Variants in COP1 observed in about 807,000 individuals in gnomAD.
COP1 encodes COP1 E3 ubiquitin ligase.
COP1 carries 24 observed loss-of-function variants against 101.3 expected under a neutral mutation model. The observed-to-expected ratio is 0.24, with a 90% confidence interval of 0.17 to 0.33. The LOEUF is 0.33. Among genes scored for constraint, COP1 ranks in the 10% least tolerant of loss-of-function variants. The pLI is 1.00. For synonymous variants in COP1, 347 were observed against 341.9 expected (o/e 1.01, Z -0.17); for missense variants, 663 against 906.2 (o/e 0.73, Z 3.45).
chr1:176,141,056 C>G (rs539344774), intron 6 of COP1, among the ~76,000 whole-genome samples: 1 of 152,310 alleles, frequency 6.6e-6, no homozygotes, highest in Non-Finnish European at 1.5e-5. Flanking sequence ...TGGTACTCAA[C>G]TGACTTTCAT....
intron 5 of COP1, among the ~76,000 whole-genome samples, chr1:176,159,931 C>G (rs1383834054): frequency 2.6e-5 from 4 of 152,100 alleles, no homozygotes. Context: ...TTTATTAAAA[C>G]TAGGAAGGAG....
intron 3 of COP1, among the ~76,000 whole-genome samples, chr1:176,168,450 A>G: frequency 7.2e-6 from 1 of 139,498 alleles, no homozygotes; most frequent in Non-Finnish European, 1.5e-5. Flanking sequence ...GAAAGGGAAG[A>G]AGGAAGCGAG....
At chr1:176,166,254 G>A (rs181508483) in intron 3 of COP1, among the ~76,000 whole-genome samples, 40 of 152,252 alleles carry the variant, frequency 2.6e-4, no homozygotes, top group Admixed American at 2.5e-3. Context: ...AGCCTTCCCA[G>A]TAGCTAGGAC....
At chr1:176,197,206 C>A (rs1260708287) in intron 1 of COP1, among the ~76,000 whole-genome samples, 1 of 152,076 alleles carries the variant, frequency 6.6e-6, no homozygotes, top group African/African-American at 2.4e-5. Context: ...GACACAACAA[C>A]AAGTGGCCCA....
At chr1:176,166,625 ATT>A (rs1160595138) in intron 3 of COP1, among the ~76,000 whole-genome samples, 2 of 152,016 alleles carry the variant, frequency 1.3e-5, no homozygotes, top group East Asian at 3.9e-4. Flanking sequence ...AAAAATGGTT[ATT>A]TTTTTCTTCT....
chr1:176,143,654 G>A (rs1407761767), intron 6 of COP1, among the ~76,000 whole-genome samples: 1 of 151,962 alleles, frequency 6.6e-6, no homozygotes, highest in Non-Finnish European at 1.5e-5. Context: ...GCCAAGTTTG[G>A]TTTATATAAG....
chr1:176,027,167 A>T (rs944525397), intron 15 of COP1, among the ~76,000 whole-genome samples: 2 of 152,212 alleles, frequency 1.3e-5, no homozygotes, highest in African/African-American at 4.8e-5. Flanking sequence ...TGCTTTGTGC[A>T]TAGTAGGGAC....
intron 14 of COP1, among the ~76,000 whole-genome samples, chr1:176,028,473 A>G (rs1231830366): frequency 1.3e-5 from 2 of 150,764 alleles, no homozygotes; most frequent in Non-Finnish European, 3.0e-5. Flanking sequence ...GCTGAGGTGG[A>G]ATAATCACTT....
intron 11 of COP1, among the ~76,000 whole-genome samples, chr1:176,059,144 C>T (rs1674400043): frequency 6.6e-6 from 1 of 152,230 alleles, no homozygotes; most frequent in South Asian, 2.1e-4. Flanking sequence ...CAGAGCCCTG[C>T]TTCCATCCTA....
intron 1 of COP1, among the ~76,000 whole-genome samples, chr1:176,190,062 C>T (rs1698951327): frequency 6.6e-6 from 1 of 151,992 alleles, no homozygotes; most frequent in African/African-American, 2.4e-5. Flanking sequence ...GACTTTACAA[C>T]TCCAACCACA....
intron 9 of COP1, among the ~76,000 whole-genome samples, chr1:176,112,697 C>A (rs1005140355): frequency 1.3e-5 from 2 of 152,126 alleles, no homozygotes; most frequent in African/African-American, 4.8e-5. Context: ...TAAGCAAGTT[C>A]TCTCCATTCC....
rs149803208 is a variant in COP1 at position 176,204,185 on chromosome 1, A to T, written c.407+2387T>A. 2.6e-3 allele frequency among the ~76,000 whole-genome samples: 400 copies of T among 152,336 alleles called. 3 individuals carry two copies. Among genetic ancestry groups the T allele is most frequent in the African/African-American group, 9.2e-3 (382 of 41,576 alleles). ...TTCTCATTTTGTCCTTACCTGTCCAACGACAAACAAAATTACTTCTCTGTG... is the reference window on the plus strand; with the variant it reads ...TTCTCATTTTGTCCTTACCTGTCCATCGACAAACAAAATTACTTCTCTGTG... On this transcript the variant is annotated intron_variant, in intron 1 of 19. Coordinates refer to ENST00000367669, the MANE Select transcript of COP1 (RefSeq NM_022457.7).
intron 11 of COP1, among the ~76,000 whole-genome samples, chr1:176,056,947 C>T (rs1361185416): frequency 6.6e-6 from 1 of 152,008 alleles, no homozygotes; most frequent in Non-Finnish European, 1.5e-5. Flanking sequence ...TTATTTTTGC[C>T]CTTACTCTTC....
chr1:175,981,289 G>A (rs1241822178), intron 18 of COP1, among the ~76,000 whole-genome samples: 2 of 152,044 alleles, frequency 1.3e-5, no homozygotes, highest in African/African-American at 4.8e-5. Flanking sequence ...ACACTATCTG[G>A]TTTCACTGTC....
At chr1:175,978,512 T>C (rs1177114525) in intron 18 of COP1, among the ~76,000 whole-genome samples, 3 of 152,198 alleles carry the variant, frequency 2.0e-5, no homozygotes, top group Non-Finnish European at 4.4e-5. Context: ...CTCAGTTTTC[T>C]ACCACCTTCT....
chr1:176,008,612 A>C (rs901736218), intron 15 of COP1, among the ~76,000 whole-genome samples: 13 of 152,186 alleles, frequency 8.5e-5, no homozygotes, highest in African/African-American at 3.1e-4. Flanking sequence ...AATTTCTACT[A>C]AGAATTTTTC....
chr1:176,015,873 T>C (rs1443007131), intron 15 of COP1, among the ~76,000 whole-genome samples: 1 of 152,130 alleles, frequency 6.6e-6, no homozygotes, highest in Non-Finnish European at 1.5e-5. Flanking sequence ...TGGGCTACAA[T>C]GTGAATGGTA....
chr1:176,203,308 G>C (rs1700477641), intron 1 of COP1, among the ~76,000 whole-genome samples: 1 of 152,074 alleles, frequency 6.6e-6, no homozygotes, highest in Non-Finnish European at 1.5e-5. Context: ...CTGCACTCCA[G>C]CCTGGGCAGC....
At chr1:176,089,367 ATAC>A (rs752424140) in intron 9 of COP1, among the ~76,000 whole-genome samples, 5 of 152,340 alleles carry the variant, frequency 3.3e-5, no homozygotes, top group Admixed American at 3.3e-4. Context: ...AGGCAATAAT[ATAC>A]ACATGCCAAA....
Sources: allele counts gnomAD v4.1 joint callset (sites outside exome capture counted in the v4.1 genomes callset), GRCh38; gene constraint gnomAD v4.1.1; transcripts MANE v1.5; gene names NCBI Gene and HGNC (gene_info 2026-07-23, HGNC 2026-07-21).